The following UBAP2 variants were observed in gnomAD, a reference collection of about 807,000 sequenced individuals.
UBAP2 encodes the protein ubiquitin-associated protein 2.
In UBAP2, 75 loss-of-function variants were observed where a neutral mutation model predicts 139.6. That is an observed-to-expected ratio of 0.54 (90% confidence interval 0.45 to 0.65). The LOEUF is 0.65. Ranked by LOEUF, UBAP2 falls within the 30% of genes least tolerant of loss-of-function variation. UBAP2 has a pLI of 0.00. For missense variants in UBAP2, 1,368 were observed against 1,369.6 expected, an observed-to-expected ratio of 1.00 and a Z score of 0.02; for synonymous variants, 526 against 526.2, an observed-to-expected ratio of 1.00 and a Z score of 0.01.
intron 2 of UBAP2, among the ~76,000 whole-genome samples, chr9:34,015,760 A>G (rs1012743217): frequency 1.3e-5 from 2 of 152,002 alleles, no homozygotes; most frequent in African/African-American, 4.8e-5. Flanking sequence ...GTGCAGTAGC[A>G]TCATCATAAG....
chr9:34,045,043 T>C (rs1042115819), intron 1 of UBAP2, among the ~76,000 whole-genome samples: 3 of 151,714 alleles, frequency 2.0e-5, no homozygotes, highest in Admixed American at 1.3e-4. Context: ...TTATCAAACA[T>C]TGTTTACAAA....
At chr9:34,004,637 A>G (rs1489975060) in intron 2 of UBAP2, among the ~76,000 whole-genome samples, 1 of 151,894 alleles carries the variant, frequency 6.6e-6, no homozygotes, top group Non-Finnish European at 1.5e-5. Flanking sequence ...ACAAAAAATT[A>G]GCCGAGCGTG....
chr9:34,041,091 C>T (rs566182425), intron 1 of UBAP2, among the ~76,000 whole-genome samples: 59 of 152,118 alleles, frequency 3.9e-4, no homozygotes, highest in African/African-American at 1.4e-3. Flanking sequence ...GGAAATGAGA[C>T]AAATATCCAT....
At chr9:34,041,789 C>A (rs1204168126) in intron 1 of UBAP2, among the ~76,000 whole-genome samples, 2 of 151,864 alleles carry the variant, frequency 1.3e-5, no homozygotes, top group Non-Finnish European at 2.9e-5. Flanking sequence ...TTTGGGAGGC[C>A]GAAGCAGGCA....
chr9:33,962,184 T>A (rs1218963611), intron 9 of UBAP2, among the ~76,000 whole-genome samples: 1 of 152,160 alleles, frequency 6.6e-6, no homozygotes, highest in Non-Finnish European at 1.5e-5. Context: ...AAAACCTACA[T>A]AAAAAATATT....
chr9:33,966,109 T>A (rs1040807679), intron 8 of UBAP2, among the ~76,000 whole-genome samples: 1 of 151,770 alleles, frequency 6.6e-6, no homozygotes. Flanking sequence ...TTCAAAATTG[T>A]TTAGGCTACT....
chr9:34,021,233 A>C (rs1564067070), intron 1 of UBAP2, among the ~76,000 whole-genome samples: 1 of 152,174 alleles, frequency 6.6e-6, no homozygotes, highest in African/African-American at 2.4e-5. Flanking sequence ...CACTAATATT[A>C]ACTTATTTTT....
intron 6 of UBAP2, among the ~76,000 whole-genome samples, chr9:33,983,406 G>A (rs1409796068): frequency 1.3e-5 from 2 of 152,158 alleles, no homozygotes; most frequent in East Asian, 1.9e-4. Context: ...AGAAGCATGT[G>A]AGAGATCAAA....
rs1239642414 is a variant in UBAP2 at position 33,923,799 on chromosome 9, ATGG to A, written c.2789_2791del (p.Thr930del). 2 of 1,614,042 alleles carry A rather than the reference ATGG, an allele frequency of 1.2e-6. No homozygotes were observed. Among genetic ancestry groups the A allele is most frequent in the Admixed American group, 1.7e-5 (1 of 60,018 alleles). On this transcript the variant is annotated inframe_deletion, in exon 24 of 29. Transcript: ENST00000379238. ...CACACCCTCTGAAATACTCACAAAC[ATGG>A]TGGGGCCATACTGGAAGGCACTGGG...
chr9:34,016,353 A>AGCAGCGGCG (rs1389542047), intron 2 of UBAP2, among the ~76,000 whole-genome samples: 6 of 21,018 alleles, frequency 2.9e-4, no homozygotes, highest in Admixed American at 1.7e-3. Flanking sequence ...AGGAGGAGGC[A>AGCAGCGGCG]GCAGCGGCGG....
At position 33,923,209 on chromosome 9, in the gene UBAP2, G is replaced by T; in HGVS notation, c.2981C>A (p.Ser994Tyr). The stretch of plus-strand genomic sequence containing the variant: ...ACCTTTGCCAGGCCCAGAACCTGCA[G>T]ACTTGTTTGGTGCCTGCGATGATCC... Reference protein sequence around the residue: ...YAGSSQAPNKSAGSGPGKGVS... With the variant: ...YAGSSQAPNKYAGSGPGKGVS... The change falls in exon 26 of 29, where the codon TCT (serine) becomes TAT (tyrosine). Residue 994 changes from serine (S) to tyrosine (Y), a missense_variant. By Grantham distance (144) the Ser-to-Tyr change is moderately radical. Transcript: ENST00000379238. 6.2e-7 allele frequency: 1 copy of T among 1,614,208 alleles called. No individual in the cohort carries two copies. The highest frequency in any genetic ancestry group is 8.5e-7 in the Non-Finnish European group (1 of 1,180,016).
rs375204808 is a variant in UBAP2, at chr9:33,976,229, G to A, written c.521-2992C>T. The stretch of plus-strand genomic sequence containing the variant: ...CAAAATTAAACAAGCTACAAAACAA[G>A]GAAACTATTCTCAGGACTTAAAACC... On this transcript the variant is annotated intron_variant, in intron 6 of 28. Transcript: ENST00000379238. Among the ~76,000 whole-genome samples the A allele has an allele frequency of 8.1e-4, 123 of 151,614 alleles. 2 individuals carry two copies. In the South Asian group the frequency reaches 0.025, roughly 30 times the overall value.
In UBAP2 at chr9:33,978,784, AAAAG is replaced by A. The variant is rs1056711510; in HGVS notation, c.521-5551_521-5548del. ...AACAGAGCAAGACTACGTCTCAAAA[AAAAG>A]AAAGAAAGAAAGAAAAAGTAGAGGA... On this transcript the variant is annotated intron_variant, in intron 6 of 28. Transcript: ENST00000379238. Among the ~76,000 whole-genome samples the A allele has an allele frequency of 2.2e-4, 33 of 152,352 alleles. No individual in the cohort carries two copies. In the East Asian group the frequency reaches 2.7e-3, roughly 12 times the overall value.
chr9:33,935,783 C>T (rs1159037187), intron 17 of UBAP2, 56 bp downstream of exon 17: 1 of 1,600,926 alleles, frequency 6.2e-7, no homozygotes, highest in Non-Finnish European at 8.6e-7. Flanking sequence ...GAGCTATCCT[C>T]TTCCTCTGTT....
intron 1 of UBAP2, among the ~76,000 whole-genome samples, chr9:34,038,849 CCCGGCCGCCCA>C (rs1826726990): frequency 6.6e-6 from 1 of 151,602 alleles, no homozygotes; most frequent in East Asian, 1.9e-4. Flanking sequence ...AGCGTCTCTG[CCCGGCCGCCCA>C]TCGTCTGAGA....
At chr9:34,039,855 A>T (rs1200915104) in intron 1 of UBAP2, among the ~76,000 whole-genome samples, 43 of 148,188 alleles carry the variant, frequency 2.9e-4, no homozygotes, top group African/African-American at 9.9e-4. Flanking sequence ...ACTAAAAAAA[A>T]AAAAAAAAAA....
intron 16 of UBAP2, among the ~76,000 whole-genome samples, chr9:33,937,741 C>T (rs1226766241): frequency 1.4e-5 from 2 of 141,158 alleles, no homozygotes; most frequent in African/African-American, 5.4e-5. Context: ...AACCCCGTCT[C>T]TATTTAAAAA....
intron 16 of UBAP2, among the ~76,000 whole-genome samples, chr9:33,938,156 C>A (rs2130909283): frequency 6.6e-6 from 1 of 151,978 alleles, no homozygotes; most frequent in African/African-American, 2.4e-5. Flanking sequence ...ACCATCACAC[C>A]TAATTATTAT....
intron 1 of UBAP2, among the ~76,000 whole-genome samples, chr9:34,030,492 G>A (rs988560761): frequency 9.2e-5 from 14 of 152,062 alleles, no homozygotes; most frequent in Admixed American, 4.6e-4. Flanking sequence ...GTATGACAGA[G>A]CACACCTGTG....
Sources: allele counts gnomAD v4.1 joint callset (sites outside exome capture counted in the v4.1 genomes callset), GRCh38; gene constraint gnomAD v4.1.1; transcripts MANE v1.5; gene names NCBI Gene and HGNC (gene_info 2026-07-23, HGNC 2026-07-21).